PPP2R2B: variants seen among roughly 807,000 people sequenced by gnomAD.
PPP2R2B encodes the protein protein phosphatase 2 regulatory subunit Bbeta, also known as serine/threonine-protein phosphatase 2A 55 kDa regulatory subunit B beta isoform.
Under a neutral mutation model 46.0 loss-of-function variants are expected in PPP2R2B, and 5 were observed. That is an observed-to-expected ratio of 0.11 (90% CI 0.06 to 0.23). The LOEUF is 0.23. PPP2R2B is among the 10% of genes least tolerant of loss of function. PPP2R2B has a pLI of 1.00. For missense variants in PPP2R2B, 367 were observed against 575.0 expected, an observed-to-expected ratio of 0.64 and a Z score of 3.70; for synonymous variants, 215 against 206.7, an observed-to-expected ratio of 1.04 and a Z score of -0.34.
intron 2 of PPP2R2B, among the ~76,000 whole-genome samples, chr5:146,787,974 A>C (rs1383059120): frequency 6.6e-6 from 1 of 152,146 alleles, no homozygotes; most frequent in East Asian, 1.9e-4. Context: ...TCTCTACTAT[A>C]GTTAAGGAGT....
intron 2 of PPP2R2B, among the ~76,000 whole-genome samples, chr5:147,074,832 C>T (rs986112980): frequency 1.1e-4 from 17 of 152,086 alleles, no homozygotes; most frequent in Non-Finnish European, 4.4e-5. Context: ...AAAGCAGAAT[C>T]GATAGAGTAC....
In PPP2R2B at chr5:146,985,017, C is replaced by CTTTT. The variant is rs34277498; in HGVS notation, c.79+70644_79+70647dup. ...TATAGTTTGCAAATATTTTCTTTTTCTTTTTTTTTTTTTTTTTTTTTGAGA... is the reference window on the plus strand; with the variant it reads ...TATAGTTTGCAAATATTTTCTTTTTCTTTTTTTTTTTTTTTTTTTTTTTTTGAGA... On this transcript the variant is annotated intron_variant, in intron 1 of 8. Transcript: ENST00000336640. 3.2e-3 allele frequency among the ~76,000 whole-genome samples: 315 copies of CTTTT among 98,884 alleles called. 1 individual carries two copies. The highest frequency in any genetic ancestry group is 4.3e-3 in the Non-Finnish European group (211 of 49,162). 64.9% of individuals were successfully genotyped at this position (98,884 alleles called of 152,430 possible).
intron 5 of PPP2R2B, among the ~76,000 whole-genome samples, chr5:146,690,579 G>A (rs1326631590): frequency 6.6e-6 from 1 of 152,194 alleles, no homozygotes; most frequent in Non-Finnish European, 1.5e-5. Flanking sequence ...TAGAGGAAGG[G>A]TTTTCCATCC....
At chr5:146,800,101 A>T (rs1188514138) in intron 2 of PPP2R2B, among the ~76,000 whole-genome samples, 1 of 152,218 alleles carries the variant, frequency 6.6e-6, no homozygotes, top group African/African-American at 2.4e-5. Flanking sequence ...AAGGAAGTCA[A>T]TTCAATCATG....
intron 1 of PPP2R2B, among the ~76,000 whole-genome samples, chr5:147,044,547 G>A (rs2151898734): frequency 6.6e-6 from 1 of 152,154 alleles, no homozygotes; most frequent in African/African-American, 2.4e-5. Context: ...TTTAGACAGG[G>A]CTTGAACTCA....
Position 146,650,648 on chromosome 5 carries a change from T to C in PPP2R2B, c.524A>G (p.His175Arg), listed in dbSNP as rs1229989085. ...GCTGTTGACAGATATGGAGTTGATGTGATATGTGTGTGCGTTGGCAAATAC... is the reference window on the plus strand; with the variant it reads ...GCTGTTGACAGATATGGAGTTGATGCGATATGTGTGTGCGTTGGCAAATAC... ...RRVFANAHTY[H>R]INSISVNSDY... Residue 175 changes from histidine (H) to arginine (R), a missense_variant, in exon 6 of 10, where the codon CAC (histidine) becomes CGC (arginine). This residue lies in a region of PPP2R2B where 361 missense variants were observed against 545.5 expected (regional missense o/e 0.66). Coordinates refer to ENST00000394411, the MANE Select transcript of PPP2R2B (RefSeq NM_181675.4). 3 of 1,613,958 alleles carry C rather than the reference T, an allele frequency of 1.9e-6. No individual in the cohort carries two copies. The highest frequency in any genetic ancestry group is 3.3e-5 in the Admixed American group (2 of 60,000).
At position 146,747,012 on chromosome 5, in the gene PPP2R2B, G is replaced by T. The variant is rs574963050; in HGVS notation, c.71-45870C>A. Among the ~76,000 whole-genome samples the T allele has an allele frequency of 1.2e-4, 18 of 152,300 alleles. No individual in the cohort carries two copies. The South Asian group carries it at 3.5e-3, about 30-fold the overall frequency. On this transcript the variant is annotated intron_variant, in intron 2 of 9. Coordinates refer to ENST00000394411, the MANE Select transcript of PPP2R2B (RefSeq NM_181675.4). ...TCTGTGGAGGAAGCATTATTCAAGG[G>T]CTAAGGACTAGGCTCAATTTATTTC...
chr5:146,979,121 T>C (rs1280158448), intron 1 of PPP2R2B, among the ~76,000 whole-genome samples: 1 of 152,214 alleles, frequency 6.6e-6, no homozygotes, highest in East Asian at 1.9e-4. Context: ...ATTTCTCTAA[T>C]AGGACATATA....
intron 2 of PPP2R2B, among the ~76,000 whole-genome samples, chr5:146,874,920 C>G (rs1337032254): frequency 1.3e-5 from 2 of 152,198 alleles, no homozygotes; most frequent in Non-Finnish European, 2.9e-5. Flanking sequence ...ACACACACTT[C>G]AAATTTTCCC....
intron 5 of PPP2R2B, among the ~76,000 whole-genome samples, chr5:146,687,873 C>T (rs1778608907): frequency 6.6e-6 from 1 of 152,094 alleles, no homozygotes. Flanking sequence ...TCTCAATACC[C>T]ACATAGAACT....
intron 2 of PPP2R2B, among the ~76,000 whole-genome samples, chr5:146,773,592 G>A (rs1755001958): frequency 6.6e-6 from 1 of 152,214 alleles, no homozygotes; most frequent in Non-Finnish European, 1.5e-5. Context: ...AGATTATAGG[G>A]TGAGTGGATT....
At chr5:146,859,682 A>C (rs1420732600) in intron 2 of PPP2R2B, among the ~76,000 whole-genome samples, 1 of 152,234 alleles carries the variant, frequency 6.6e-6, no homozygotes, top group Non-Finnish European at 1.5e-5. Flanking sequence ...TGTTGGTATG[A>C]AATAGCCTGA....
chr5:147,040,626 C>A, intron 1 of PPP2R2B: 1 of 365,326 alleles, frequency 2.7e-6, no homozygotes, highest in Non-Finnish European at 5.4e-6. Context: ...CTTAGTGATG[C>A]TTCAGGGGCT....
chr5:147,069,785 GTT>G (rs540998224), intron 2 of PPP2R2B, among the ~76,000 whole-genome samples: 9 of 64,788 alleles, frequency 1.4e-4, no homozygotes, highest in African/African-American at 5.3e-4. Context: ...ATTTTATACT[GTT>G]TTTTTTTTTT....
chr5:146,882,601 A>C (rs762032867), upstream of PPP2R2B, among the ~76,000 whole-genome samples: 19 of 152,248 alleles, frequency 1.2e-4, no homozygotes, highest in Non-Finnish European at 2.1e-4. Flanking sequence ...TGGAAAAAAT[A>C]CATTGCTATT....
chr5:146,668,978 G>C (rs1777178288), intron 5 of PPP2R2B, among the ~76,000 whole-genome samples: 1 of 152,122 alleles, frequency 6.6e-6, no homozygotes, highest in African/African-American at 2.4e-5. Flanking sequence ...AATAGCCAAA[G>C]CAGAGGACCT....
intron 2 of PPP2R2B, among the ~76,000 whole-genome samples, chr5:146,716,034 T>C (rs1003086052): frequency 6.6e-6 from 1 of 152,172 alleles, no homozygotes; most frequent in Non-Finnish European, 1.5e-5. Flanking sequence ...TGTCATTAAT[T>C]GTGCCTGTTG....
At chr5:146,622,747 T>C (rs956739827) in intron 7 of PPP2R2B, among the ~76,000 whole-genome samples, 1 of 152,322 alleles carries the variant, frequency 6.6e-6, no homozygotes, top group South Asian at 2.1e-4. Context: ...TGAACTTCTA[T>C]AGAGCAAGGT....
intron 2 of PPP2R2B, among the ~76,000 whole-genome samples, chr5:146,814,964 G>C (rs1757842297): frequency 6.6e-6 from 1 of 152,206 alleles, no homozygotes; most frequent in African/African-American, 2.4e-5. Flanking sequence ...GAGGAGGCAA[G>C]AATTGAGGTT....
Sources: allele counts gnomAD v4.1 joint callset (sites outside exome capture counted in the v4.1 genomes callset), GRCh38; gene constraint gnomAD v4.1.1; regional missense constraint gnomAD v4.1.1; transcripts MANE v1.5; gene names NCBI Gene and HGNC (gene_info 2026-07-23, HGNC 2026-07-21).